The following SEMA5B variants were observed in gnomAD, a reference collection of about 807,000 sequenced individuals.
The protein encoded by SEMA5B is semaphorin-5B.
In SEMA5B, 66 loss-of-function variants were observed where a neutral mutation model predicts 135.0. The ratio of observed to expected loss-of-function variants is 0.49; its 90% CI spans 0.40 to 0.60. SEMA5B has a LOEUF of 0.60. SEMA5B is among the 20% of genes least tolerant of loss of function. The pLI is 0.00. For missense variants in SEMA5B, 1,501 were observed against 1,566.3 expected, an observed-to-expected ratio of 0.96 and a Z score of 0.70; for synonymous variants, 690 against 639.5, an observed-to-expected ratio of 1.08 and a Z score of -1.19.
rs192335764 is a variant in SEMA5B, at chr3:122,947,349, G to A, written c.328+1157C>T. ...GACAGCTGGAAACCTTCCTCCCTGA[G>A]AGGAGCCAACCCACAGCTGGGAATC... is the stretch of plus-strand genomic sequence containing the variant. On this transcript the variant is annotated intron_variant, in intron 3 of 22. Coordinates refer to ENST00000357599, the MANE Select transcript of SEMA5B (RefSeq NM_001031702.4). Among the ~76,000 whole-genome samples, 3 of 152,158 alleles carry A rather than the reference G, an allele frequency of 2.0e-5. No individual in the cohort carries two copies. The East Asian group carries it at 5.8e-4, about 29-fold the overall frequency.
chr3:122,967,046 G>A (rs375801510), intron 1 of SEMA5B, among the ~76,000 whole-genome samples: 41 of 150,950 alleles, frequency 2.7e-4, no homozygotes, highest in Middle Eastern at 3.4e-3. Context: ...CACCACATCC[G>A]GTTAATTTTG....
In SEMA5B at chr3:122,973,688, C is replaced by A. The variant is rs994939550; in HGVS notation, c.-38-12387G>T. ...TCTGTGTTGGAGCTGAACGATGCTG[C>A]AAACTTGGGGGGTTGTAGATTCCCA... On this transcript the variant is annotated intron_variant, in intron 1 of 22. Transcript: ENST00000357599. Among the ~76,000 whole-genome samples the A allele has an allele frequency of 2.6e-5, 4 of 152,216 alleles. No individual in the cohort carries two copies. The East Asian group carries it at 7.7e-4, about 29-fold the overall frequency.
chr3:122,917,808 T>C (rs1164466310), intron 12 of SEMA5B, among the ~76,000 whole-genome samples: 1 of 152,206 alleles, frequency 6.6e-6, no homozygotes, highest in Non-Finnish European at 1.5e-5. Flanking sequence ...ACAAGATAAA[T>C]GTGGTCATAT....
rs376019137 is a variant in SEMA5B, at chr3:122,974,383, C to T, written c.-38-13082G>A. 1.5e-4 allele frequency among the ~76,000 whole-genome samples: 23 copies of T among 152,348 alleles called. 1 individual carries two copies. Among genetic ancestry groups the T allele is most frequent in the Non-Finnish European group, 2.1e-4 (14 of 68,030 alleles). On this transcript the variant is annotated intron_variant, in intron 1 of 22. Transcript: ENST00000357599. ...ACTGCCCCAGACATAGGAATGTGTA[C>T]GTGGGTGCACACTCGCCTGCGCACA...
intron 1 of SEMA5B, among the ~76,000 whole-genome samples, chr3:122,993,669 G>A (rs1941943128): frequency 6.6e-6 from 1 of 152,096 alleles, no homozygotes; most frequent in Admixed American, 6.5e-5. Context: ...TGGGTTTGGA[G>A]ACAGGGGGAT....
chr3:123,001,108 G>A (rs747459768), intron 1 of SEMA5B, among the ~76,000 whole-genome samples: 4 of 152,168 alleles, frequency 2.6e-5, no homozygotes, highest in Non-Finnish European at 5.9e-5. Context: ...ATGTGGCAAG[G>A]GATAGGGGGT....
At chr3:122,998,031 C>T (rs947481862) in intron 1 of SEMA5B, among the ~76,000 whole-genome samples, 3 of 152,214 alleles carry the variant, frequency 2.0e-5, no homozygotes, top group Non-Finnish European at 4.4e-5. Context: ...AGCTCGGTGA[C>T]AGTGATGTAC....
At chr3:122,985,233 C>T (rs1040666606) in intron 1 of SEMA5B, among the ~76,000 whole-genome samples, 1 of 152,178 alleles carries the variant, frequency 6.6e-6, no homozygotes, top group Admixed American at 6.5e-5. Flanking sequence ...TGGCTCACAC[C>T]TGTAATCCCA....
intron 13 of SEMA5B, 28 bp from the exon 14 acceptor site, chr3:122,915,649 C>T (rs1298437729): frequency 6.2e-7 from 1 of 1,602,296 alleles, no homozygotes; most frequent in Admixed American, 1.7e-5. Flanking sequence ...AGACAGTACC[C>T]CTATTACCCA....
chr3:123,008,889 T>C (rs1177304256), intron 1 of SEMA5B, among the ~76,000 whole-genome samples: 1 of 152,062 alleles, frequency 6.6e-6, no homozygotes, highest in East Asian at 1.9e-4. Flanking sequence ...CAGCTGGAGC[T>C]GGGGGGCTGC....
At chr3:122,923,893 A>G (rs969263819) in intron 9 of SEMA5B, 141 bp from the exon 10 acceptor site, 18 of 914,930 alleles carry the variant, frequency 2.0e-5, no homozygotes, top group Admixed American at 1.3e-4. Context: ...GGGGATCTCA[A>G]AGGGAGGAGA....
chr3:122,951,747 C>T (rs1181847694), intron 2 of SEMA5B, among the ~76,000 whole-genome samples: 1 of 152,208 alleles, frequency 6.6e-6, no homozygotes, highest in Non-Finnish European at 1.5e-5. Flanking sequence ...TATGGAATTC[C>T]CAGGTGATTC....
intron 1 of SEMA5B, among the ~76,000 whole-genome samples, chr3:123,009,567 G>C (rs953219177): frequency 1.3e-5 from 2 of 152,126 alleles, no homozygotes; most frequent in African/African-American, 4.8e-5. Flanking sequence ...GAGAAAAAAA[G>C]AGAAAGAAAA....
At chr3:122,983,772 A>ATGTT (rs1428253069) in intron 1 of SEMA5B, among the ~76,000 whole-genome samples, 1 of 138,678 alleles carries the variant, frequency 7.2e-6, no homozygotes, top group Non-Finnish European at 1.6e-5. Context: ...GAGGCTACTG[A>ATGTT]TGTTTACCAA....
rs555200421 is a variant in SEMA5B, at chr3:122,980,258, C to T, written c.-38-18957G>A. On this transcript the variant is annotated intron_variant, in intron 1 of 22. Coordinates refer to ENST00000357599, the MANE Select transcript of SEMA5B (RefSeq NM_001031702.4). The stretch of plus-strand genomic sequence containing the variant: ...GGCAGATCAACTGAGGTTGGGAGTT[C>T]GCGACCAGCCTGATCAACATGGAGA... Among the ~76,000 whole-genome samples the T allele has an allele frequency of 1.3e-3, 200 of 151,936 alleles. 1 individual carries two copies. Among genetic ancestry groups the T allele is most frequent in the African/African-American group, 4.5e-3 (185 of 41,402 alleles).
intron 2 of SEMA5B, among the ~76,000 whole-genome samples, chr3:122,952,827 GA>G (rs1940117240): frequency 6.6e-6 from 1 of 152,180 alleles, no homozygotes; most frequent in South Asian, 2.1e-4. Context: ...GCAGCAGAGT[GA>G]GCACAGCTGC....
chr3:122,976,482 A>C (rs1941324663), intron 1 of SEMA5B, among the ~76,000 whole-genome samples: 1 of 152,040 alleles, frequency 6.6e-6, no homozygotes, highest in Non-Finnish European at 1.5e-5. Context: ...ACCTGCAGAG[A>C]TTCTGATTTA....
chr3:122,935,990 GC>G, intron 5 of SEMA5B, among the ~76,000 whole-genome samples: 1 of 152,266 alleles, frequency 6.6e-6, no homozygotes, highest in South Asian at 2.1e-4. Flanking sequence ...ACTGTGCCCA[GC>G]CTCTATCCGC....
chr3:122,922,056 T>C lies in SEMA5B; in HGVS notation c.1547A>G (p.Glu516Gly). 6.7e-7 allele frequency: 1 copy of C among 1,494,326 alleles called. No individual in the cohort carries two copies. Among genetic ancestry groups the C allele is most frequent in the Non-Finnish European group, 8.9e-7 (1 of 1,121,680 alleles). 92.6% of individuals were successfully genotyped at this position (1,494,326 alleles called of 1,614,324 possible). A position where few individuals can be genotyped will look rare whatever the true frequency, so the allele number is the denominator to read the frequency against. Residue 516 changes from glutamate to glycine, a missense_variant, in exon 12 of 23, where the codon GAG (glutamate) becomes GGG (glycine). Physicochemically the swap from Glu to Gly is moderately conservative, Grantham distance 98. Coordinates refer to ENST00000357599, the MANE Select transcript of SEMA5B (RefSeq NM_001031702.4). Reference protein sequence around the residue: ...SRSLHGCYLEELHVLPPGRRE... With the variant: ...SRSLHGCYLEGLHVLPPGRRE... ...GCGCCCGGGGGGCAGCACGTGCAGC[T>C]CCTCCAGGTAGCAGCCGTGGAGGCT... is the stretch of plus-strand genomic sequence containing the variant.
Sources: gnomAD v4.1 joint callset for allele counts (sites outside exome capture counted in the v4.1 genomes callset) on GRCh38, gnomAD v4.1.1 for gene constraint, MANE v1.5 for transcripts, NCBI Gene and HGNC (gene_info 2026-07-23, HGNC 2026-07-21) for gene names.